KCNQ1: variants seen among roughly 807,000 people sequenced by gnomAD.
The protein encoded by KCNQ1 is potassium voltage-gated channel subfamily Q member 1.
A neutral mutation model predicts 72.4 loss-of-function variants in KCNQ1; 49 were observed. The ratio of observed to expected loss-of-function variants is 0.68; its 90% CI spans 0.54 to 0.86. The LOEUF is 0.86. KCNQ1 is among the 40% of genes least tolerant of loss of function. The probability of loss-of-function intolerance (pLI) is 0.00; values close to 1 mark genes in which losing one functional copy is unlikely to be tolerated. For missense variants in KCNQ1, 790 were observed against 945.1 expected (o/e 0.84, Z 2.15); for synonymous variants, 450 against 412.6 (o/e 1.09, Z -1.10).
Position 2,847,874 on chromosome 11 carries a change from C to CG in KCNQ1, c.1906dup (p.Ala636GlyfsTer16), listed in dbSNP as rs1464992494. On this transcript the variant is annotated frameshift_variant, in exon 16 of 16. Transcript: ENST00000155840. LOFTEE classifies it low-confidence loss of function (END_TRUNC). ...GCAGCGGCGGCCCCCCCAGAGAGGG[C>CG]GGGGCCCACATCACCCAGCCCTGCG... 6 of 1,578,828 alleles carry CG rather than the reference C, an allele frequency of 3.8e-6. No individual in the cohort carries two copies. Among genetic ancestry groups the CG allele is most frequent in the Non-Finnish European group, 5.2e-6 (6 of 1,162,516 alleles).
At chr11:2,472,514 C>A (rs1018425259) in intron 1 of KCNQ1, among the ~76,000 whole-genome samples, 1 of 152,100 alleles carries the variant, frequency 6.6e-6, no homozygotes, top group African/African-American at 2.4e-5. Flanking sequence ...GGGTGAAGCA[C>A]CTTTACCCAG....
chr11:2,511,101 C>A (rs1488655048), intron 1 of KCNQ1, among the ~76,000 whole-genome samples: 1 of 152,210 alleles, frequency 6.6e-6, no homozygotes, highest in Admixed American at 6.5e-5. Flanking sequence ...TGTCTCTGCA[C>A]CCCTGGAGCC....
chr11:2,485,568 A>G (rs1846728638), intron 1 of KCNQ1, among the ~76,000 whole-genome samples: 1 of 152,212 alleles, frequency 6.6e-6, no homozygotes, highest in Non-Finnish European at 1.5e-5. Context: ...ACTATTTTTA[A>G]GCACACAGTT....
intron 1 of KCNQ1, among the ~76,000 whole-genome samples, chr11:2,455,118 G>A (rs1302487946): frequency 1.0e-4 from 15 of 146,578 alleles, no homozygotes; most frequent in African/African-American, 3.5e-4. Context: ...TTTTTTTTGA[G>A]ATGGAGTCTC....
Position 2,623,177 on chromosome 11 carries a change from C to T in KCNQ1, c.1393+34323C>T, listed in dbSNP as rs1216870658. 7.5e-6 allele frequency: 3 copies of T among 398,574 alleles called. No individual in the cohort carries two copies. Among genetic ancestry groups the T allele is most frequent in the East Asian group, 3.6e-5 (1 of 28,092 alleles). 24.7% of individuals were successfully genotyped at this position (398,574 alleles called of 1,614,324 possible). ...CCATGGTAAAGATGTGCCTGCTTCT[C>T]CTTTGCCTTCCGCCATGATTTTAAG... On this transcript the variant is annotated intron_variant, in intron 10 of 15. Coordinates refer to ENST00000155840, the MANE Select transcript of KCNQ1 (RefSeq NM_000218.3). This position sits in a 1 kb window ranked among gnomAD's most constrained non-coding sequence, Gnocchi z 5.2.
Position 2,447,343 on chromosome 11 carries a change from G to C in KCNQ1, c.386+1859G>C, listed in dbSNP as rs2133563040. Among the ~76,000 whole-genome samples, 1 of 152,274 alleles carries C rather than the reference G, an allele frequency of 6.6e-6. No individual in the cohort carries two copies. The highest frequency in any genetic ancestry group is 1.9e-4 in the East Asian group (1 of 5,176). On this transcript the variant is annotated intron_variant, in intron 1 of 15. Transcript: ENST00000155840. The surrounding 1 kb of genome is among the most constrained non-coding windows in gnomAD (Gnocchi z 7.6). ...GTGGCCAGGAAAGGGATGCTTCTGT[G>C]AAGTGGCCAGATCTGGGGCTGGTCC...
intron 10 of KCNQ1, chr11:2,637,327 A>C (rs1849488102): frequency 6.6e-6 from 1 of 152,182 alleles, no homozygotes; most frequent in South Asian, 2.1e-4. Flanking sequence ...TTAGTGCTAT[A>C]AATTTCCCTC....
rs942925639 is a variant in KCNQ1, at chr11:2,651,332, C to T, written c.1394-10629C>T. The T allele has an allele frequency of 2.5e-6, 1 of 398,764 alleles. No homozygotes were observed. Among genetic ancestry groups the T allele is most frequent in the African/African-American group, 2.1e-5 (1 of 48,778 alleles). The allele number at this position is 398,764 out of a possible 1,614,324, so 24.7% of individuals were successfully genotyped here. ...GCACAGAACACTCCTCAGAGTTCTA[C>T]AAGCGGCTGAGAGAGCTGGGGTATT... On this transcript the variant is annotated intron_variant, in intron 10 of 15. Transcript: ENST00000155840. This position sits in a 1 kb window ranked among gnomAD's most constrained non-coding sequence, Gnocchi z 6.1.
At chr11:2,796,844 C>T (rs935371626) in intron 15 of KCNQ1, among the ~76,000 whole-genome samples, 5 of 152,318 alleles carry the variant, frequency 3.3e-5, no homozygotes, top group African/African-American at 7.2e-5. Flanking sequence ...ACAGATGTGG[C>T]GGTGAGAAAA....
chr11:2,532,581 A>C (rs1205488602), intron 2 of KCNQ1, among the ~76,000 whole-genome samples: 1 of 152,030 alleles, frequency 6.6e-6, no homozygotes, highest in Non-Finnish European at 1.5e-5. Flanking sequence ...ATCAGGGCCG[A>C]GACTGAGGCG....
At chr11:2,807,946 C>G (rs895799921) in intron 15 of KCNQ1, among the ~76,000 whole-genome samples, 2 of 152,208 alleles carry the variant, frequency 1.3e-5, no homozygotes, top group African/African-American at 4.8e-5. Context: ...CTTGCACAGC[C>G]TCCTGGAGCC....
intron 10 of KCNQ1, chr11:2,646,175 T>G: frequency 2.5e-6 from 1 of 398,628 alleles, no homozygotes; most frequent in Non-Finnish European, 4.4e-6. Flanking sequence ...CTATATAAAC[T>G]GTGGTTACCT....
chr11:2,506,603 C>A (rs179413), intron 1 of KCNQ1, among the ~76,000 whole-genome samples: 1 of 152,198 alleles, frequency 6.6e-6, no homozygotes, highest in East Asian at 1.9e-4. Context: ...GAGGTGTTAT[C>A]TTCAGGGTAG....
At chr11:2,801,870 G>T (rs1020541679) in intron 15 of KCNQ1, among the ~76,000 whole-genome samples, 2 of 152,232 alleles carry the variant, frequency 1.3e-5, no homozygotes, top group Admixed American at 1.3e-4. Flanking sequence ...TGGTGTCCCC[G>T]CAGCCCCTGG....
In KCNQ1 at chr11:2,657,777, CT is replaced by C; in HGVS notation, c.1394-4180del. 2.5e-6 allele frequency: 1 copy of C among 398,548 alleles called. No homozygotes were observed. Among genetic ancestry groups the C allele is most frequent in the Non-Finnish European group, 4.4e-6 (1 of 226,052 alleles). 24.7% of individuals were successfully genotyped at this position (398,548 alleles called of 1,614,324 possible). On this transcript the variant is annotated intron_variant, in intron 10 of 15. Coordinates refer to ENST00000155840, the MANE Select transcript of KCNQ1 (RefSeq NM_000218.3). This position sits in a 1 kb window ranked among gnomAD's most constrained non-coding sequence, Gnocchi z 4.8. ...AGTCTTGTTCTTCATTAACTTGACA[CT>C]TTTGAAGAATACCAGTCAGGTGTCA...
intron 11 of KCNQ1, among the ~76,000 whole-genome samples, chr11:2,744,892 ATT>A (rs1328403604): frequency 2.2e-4 from 33 of 151,666 alleles, no homozygotes; most frequent in Admixed American, 2.2e-3. Context: ...CCCTGCAGCC[ATT>A]CCATCCTGTC....
At position 2,471,299 on chromosome 11, in the gene KCNQ1, G is replaced by C. The variant is rs143001396; in HGVS notation, c.386+25815G>C. On this transcript the variant is annotated intron_variant, in intron 1 of 15. Transcript: ENST00000155840. The surrounding 1 kb of genome is among the most constrained non-coding windows in gnomAD (Gnocchi z 4.8). ...TCTGCAAGTGGGGATCAGCAGGGCT[G>C]TACCCCAAATGCTGCTTGCTTCTCC... is the stretch of plus-strand genomic sequence containing the variant. Among the ~76,000 whole-genome samples, 79 of 152,206 alleles carry C rather than the reference G, an allele frequency of 5.2e-4. No individual in the cohort carries two copies. The highest frequency in any genetic ancestry group is 1.7e-3 in the African/African-American group (72 of 41,520).
At chr11:2,820,679 T>C (rs1015538809) in intron 15 of KCNQ1, among the ~76,000 whole-genome samples, 2 of 152,212 alleles carry the variant, frequency 1.3e-5, no homozygotes, top group Non-Finnish European at 1.5e-5. Context: ...GTGTTGGTTT[T>C]GTTCATTTGT....
chr11:2,635,022 T>C (rs1849435426), intron 10 of KCNQ1: 1 of 152,242 alleles, frequency 6.6e-6, no homozygotes, highest in Non-Finnish European at 1.5e-5. Flanking sequence ...CACTTTTTGA[T>C]AGGGTTGTTT....
Sources: gnomAD v4.1 joint callset for allele counts (sites outside exome capture counted in the v4.1 genomes callset) on GRCh38, gnomAD v4.1.1 for gene constraint, Gnocchi (gnomAD v3.1) non-coding constraint, MANE v1.5 for transcripts, NCBI Gene and HGNC (gene_info 2026-07-23, HGNC 2026-07-21) for gene names.